CADM2: variants seen among roughly 807,000 people sequenced by gnomAD.
CADM2 encodes the protein immunoglobulin superfamily member 4D.
In CADM2, 12 loss-of-function variants were observed where a neutral mutation model predicts 49.8. The ratio of observed to expected loss-of-function variants is 0.24; its 90% CI spans 0.15 to 0.39. The LOEUF is 0.39. Among genes scored for constraint, CADM2 ranks in the 10% least tolerant of loss-of-function variants. CADM2 has a pLI of 1.00. For missense variants in CADM2, 378 were observed against 492.3 expected, an observed-to-expected ratio of 0.77 and a Z score of 2.20; for synonymous variants, 214 against 175.4, an observed-to-expected ratio of 1.22 and a Z score of -1.74.
intron 1 of CADM2, among the ~76,000 whole-genome samples, chr3:85,528,439 T>G (rs2061221286): frequency 6.6e-6 from 1 of 152,224 alleles, no homozygotes; most frequent in Non-Finnish European, 1.5e-5. Flanking sequence ...CCCAGCTCTT[T>G]CAGCAAATAA....
chr3:84,983,669 T>C (rs1323985850), intron 1 of CADM2, among the ~76,000 whole-genome samples: 3 of 152,276 alleles, frequency 2.0e-5, no homozygotes, highest in South Asian at 2.1e-4. Flanking sequence ...GTGAATATTA[T>C]TGATGACTAG....
At chr3:85,964,245 T>C (rs1054695029) in intron 8 of CADM2, among the ~76,000 whole-genome samples, 1 of 151,860 alleles carries the variant, frequency 6.6e-6, no homozygotes, top group African/African-American at 2.4e-5. Context: ...TACCCTTTTA[T>C]CTTTTACACC....
chr3:85,704,628 A>G (rs568426135), intron 1 of CADM2, among the ~76,000 whole-genome samples: 1 of 151,608 alleles, frequency 6.6e-6, no homozygotes, highest in South Asian at 2.1e-4. Context: ...TAAAGTTTCC[A>G]CCTCCTAACA....
At chr3:85,190,544 G>A (rs1024395561) in intron 1 of CADM2, among the ~76,000 whole-genome samples, 9 of 152,022 alleles carry the variant, frequency 5.9e-5, no homozygotes, top group African/African-American at 1.9e-4. Flanking sequence ...AAATTATTCA[G>A]TAAAATTTGC....
intron 1 of CADM2, among the ~76,000 whole-genome samples, chr3:84,972,582 G>T (rs993057500): frequency 1.3e-5 from 2 of 152,092 alleles, no homozygotes; most frequent in Non-Finnish European, 2.9e-5. Flanking sequence ...TGATTCCTTT[G>T]TCATTTTTAT....
intron 1 of CADM2, among the ~76,000 whole-genome samples, chr3:85,515,425 C>CT (rs10662116): frequency 0.29 from 40,579 of 141,528 alleles, 5,898 homozygotes; most frequent in South Asian, 0.39. Context: ...TTGTTTGTTT[C>CT]TTTTTTTTTT....
intron 1 of CADM2, among the ~76,000 whole-genome samples, chr3:85,148,792 A>T (rs565045650): frequency 2.6e-5 from 4 of 152,218 alleles, no homozygotes; most frequent in Non-Finnish European, 5.9e-5. Context: ...TATAAGGAAG[A>T]GAAAGTATAT....
At chr3:86,014,544 T>A in intron 8 of CADM2, 4 of 1,585,556 alleles carry the variant, frequency 2.5e-6, no homozygotes, top group Non-Finnish European at 3.4e-6. Context: ...TCAGCTAGCC[T>A]CTGAGAGTTA....
At chr3:85,046,266 A>C (rs1228674810) in intron 1 of CADM2, among the ~76,000 whole-genome samples, 2 of 151,596 alleles carry the variant, frequency 1.3e-5, no homozygotes, top group Admixed American at 1.3e-4. Context: ...GGTTCAGTAA[A>C]CCAAATCTTT....
At chr3:85,764,846 G>T (rs2069578541) in intron 2 of CADM2, among the ~76,000 whole-genome samples, 1 of 151,978 alleles carries the variant, frequency 6.6e-6, no homozygotes, top group Non-Finnish European at 1.5e-5. Flanking sequence ...TGTAAAGTAG[G>T]TTTTATAATC....
intron 1 of CADM2, among the ~76,000 whole-genome samples, chr3:85,559,915 A>C (rs1449377): frequency 6.6e-6 from 1 of 152,026 alleles, no homozygotes; most frequent in African/African-American, 2.4e-5. Context: ...TCTCAGAGAA[A>C]TGTTGCTCTA....
At chr3:86,029,672 T>C (rs1474881565) in intron 8 of CADM2, among the ~76,000 whole-genome samples, 1 of 152,028 alleles carries the variant, frequency 6.6e-6, no homozygotes, top group Non-Finnish European at 1.5e-5. Context: ...ATCCCTCAGC[T>C]AATAACAGAC....
chr3:85,564,167 TTCTCTCTCTCTCTCTC>T (rs3086193), intron 1 of CADM2, among the ~76,000 whole-genome samples: 77,151 of 149,638 alleles, frequency 0.52, 22,749 homozygotes, highest in East Asian at 0.85. Context: ...GAAAGCATGA[TTCTCTCTCTCTCTCTC>T]TCTCTCTCTC....
At chr3:85,759,729 C>A (rs1214429216) in intron 2 of CADM2, among the ~76,000 whole-genome samples, 2 of 152,024 alleles carry the variant, frequency 1.3e-5, no homozygotes, top group Non-Finnish European at 2.9e-5. Flanking sequence ...AGTCACCTGC[C>A]CACATAAAAT....
At chr3:85,207,657 G>T (rs1291780796) in intron 1 of CADM2, among the ~76,000 whole-genome samples, 1 of 152,062 alleles carries the variant, frequency 6.6e-6, no homozygotes, top group African/African-American at 2.4e-5. Context: ...TAATATGTAT[G>T]ATTTAAAGTA....
chr3:85,161,775 T>G (rs553205825), intron 1 of CADM2, among the ~76,000 whole-genome samples: 1 of 152,220 alleles, frequency 6.6e-6, no homozygotes, highest in South Asian at 2.1e-4. Context: ...CACAGCACTT[T>G]GGGAGGCCGA....
chr3:85,498,874 C>T (rs1328703873), intron 1 of CADM2, among the ~76,000 whole-genome samples: 3 of 152,000 alleles, frequency 2.0e-5, no homozygotes, highest in South Asian at 2.1e-4. Context: ...TAACTGTGTA[C>T]AATACATATA....
chr3:86,049,937 T>C (rs75599602), intron 8 of CADM2, among the ~76,000 whole-genome samples: 5,223 of 152,210 alleles, frequency 0.034, 170 homozygotes, highest in African/African-American at 0.084. Flanking sequence ...CTGTGCCTGA[T>C]GCTTCAAATC....
intron 1 of CADM2, among the ~76,000 whole-genome samples, chr3:85,076,702 T>G (rs1452597151): frequency 6.6e-6 from 1 of 152,018 alleles, no homozygotes; most frequent in East Asian, 1.9e-4. Context: ...CTGGGCATGG[T>G]GGTTCACACC....
Sources: allele counts gnomAD v4.1 joint callset (sites outside exome capture counted in the v4.1 genomes callset), GRCh38; gene constraint gnomAD v4.1.1; transcripts MANE v1.5; gene names NCBI Gene and HGNC (gene_info 2026-07-23, HGNC 2026-07-21).